BRINP1: variants seen among roughly 807,000 people sequenced by gnomAD.
The protein encoded by BRINP1 is BMP/retinoic acid inducible neural specific 1, also known as BMP/retinoic acid-inducible neural-specific protein 1.
Under a neutral mutation model 72.9 loss-of-function variants are expected in BRINP1, and 17 were observed. The ratio of observed to expected loss-of-function variants is 0.23; its 90% confidence interval spans 0.16 to 0.35. The LOEUF is 0.35. Among genes scored for constraint, BRINP1 ranks in the 10% least tolerant of loss-of-function variants. The pLI is 1.00. For missense variants in BRINP1, 850 were observed against 1,001.6 expected, an observed-to-expected ratio of 0.85 and a Z score of 2.04; for synonymous variants, 418 against 378.5, an observed-to-expected ratio of 1.10 and a Z score of -1.21.
intron 7 of BRINP1, among the ~76,000 whole-genome samples, chr9:119,197,495 T>A (rs1829751592): frequency 6.6e-6 from 1 of 152,200 alleles, no homozygotes; most frequent in Non-Finnish European, 1.5e-5. Context: ...ATTATCATCA[T>A]TTTTTTCTTA....
chr9:119,187,116 G>A (rs115211734), intron 7 of BRINP1, among the ~76,000 whole-genome samples: 14 of 151,820 alleles, frequency 9.2e-5, no homozygotes, highest in Admixed American at 1.3e-4. Flanking sequence ...CCTTGGAATC[G>A]TAATCCTCTG....
chr9:119,174,738 C>T (rs1031369504), intron 7 of BRINP1, among the ~76,000 whole-genome samples: 1 of 151,642 alleles, frequency 6.6e-6, no homozygotes, highest in Non-Finnish European at 1.5e-5. Flanking sequence ...CAATGATAGA[C>T]TGGATTAAGA....
intron 1 of BRINP1, among the ~76,000 whole-genome samples, chr9:119,367,849 G>GCT (rs895007533): frequency 1.1e-4 from 16 of 151,574 alleles, no homozygotes; most frequent in Non-Finnish European, 2.2e-4. Flanking sequence ...TCTCGCTCTT[G>GCT]CTCTCTCTCT....
At chr9:119,333,444 C>A (rs1269675144) in intron 1 of BRINP1, among the ~76,000 whole-genome samples, 13 of 117,968 alleles carry the variant, frequency 1.1e-4, no homozygotes, top group Non-Finnish European at 2.0e-4. Context: ...ACCTGGGTGA[C>A]AGAGTGAGAC....
At chr9:119,327,376 C>T (rs1325821467) in intron 1 of BRINP1, among the ~76,000 whole-genome samples, 1 of 152,144 alleles carries the variant, frequency 6.6e-6, no homozygotes, top group Non-Finnish European at 1.5e-5. Flanking sequence ...TGTTTCCCCT[C>T]CTATGTATGT....
intron 7 of BRINP1, among the ~76,000 whole-genome samples, chr9:119,175,113 AAAG>A (rs1433750095): frequency 0.037 from 5,278 of 141,482 alleles, 233 homozygotes; most frequent in African/African-American, 0.11. Context: ...AACTTAAAGT[AAAG>A]TATAAAAAAA....
intron 1 of BRINP1, among the ~76,000 whole-genome samples, chr9:119,357,660 C>T (rs7048008): frequency 1 from 152,349 of 152,356 alleles, 76,171 homozygotes; most frequent in Non-Finnish European, 1. Context: ...GAAAGCAAAA[C>T]GCAGATTGTT....
rs888164565 is a variant in BRINP1 at position 119,359,376 on chromosome 9, T to C, written c.-51+9680A>G. 2.6e-5 allele frequency among the ~76,000 whole-genome samples: 4 copies of C among 152,250 alleles called. No individual in the cohort carries two copies. The East Asian group carries it at 7.7e-4, about 29-fold the overall frequency. The stretch of plus-strand genomic sequence containing the variant: ...ACATCTGGCTAATTATTTTTTAAAT[T>C]TTTTGTAGAGACAGGATCTTGCTAA... On this transcript the variant is annotated intron_variant, in intron 1 of 7. Coordinates refer to ENST00000265922, the MANE Select transcript of BRINP1 (RefSeq NM_014618.3).
At chr9:119,263,646 C>T (rs763770658) in intron 2 of BRINP1, among the ~76,000 whole-genome samples, 2 of 100,714 alleles carry the variant, frequency 2.0e-5, no homozygotes, top group Non-Finnish European at 3.6e-5. Context: ...CTCGCTTTGT[C>T]GCCCAGGCTG....
chr9:119,210,727 G>A (rs1455431499), intron 6 of BRINP1, among the ~76,000 whole-genome samples: 1 of 152,208 alleles, frequency 6.6e-6, no homozygotes, highest in East Asian at 1.9e-4. Flanking sequence ...ATTATAGACA[G>A]TTAGACAGGC....
At chr9:119,204,215 C>A (rs1829830127) in intron 7 of BRINP1, among the ~76,000 whole-genome samples, 1 of 152,070 alleles carries the variant, frequency 6.6e-6, no homozygotes, top group African/African-American at 2.4e-5. Context: ...GACAAGAGCC[C>A]CAGCCAACTA....
chr9:119,170,923 G>GC (rs1328712488), intron 7 of BRINP1, among the ~76,000 whole-genome samples: 3 of 143,858 alleles, frequency 2.1e-5, no homozygotes, highest in Non-Finnish European at 4.5e-5. Flanking sequence ...TTACAGACAA[G>GC]CAAATGCTGA....
At chr9:119,193,570 G>A (rs556377609) in intron 7 of BRINP1, among the ~76,000 whole-genome samples, 11 of 152,300 alleles carry the variant, frequency 7.2e-5, no homozygotes, top group Admixed American at 6.5e-4. Flanking sequence ...TAACAGGAAA[G>A]TAACTAGGTG....
intron 7 of BRINP1, among the ~76,000 whole-genome samples, chr9:119,169,272 G>A (rs1009880522): frequency 1.3e-5 from 2 of 152,222 alleles, no homozygotes; most frequent in Non-Finnish European, 2.9e-5. Context: ...TTGGGTGCAC[G>A]CACCGTGCGC....
At chr9:119,242,635 C>T (rs1830265320) in intron 3 of BRINP1, among the ~76,000 whole-genome samples, 1 of 152,096 alleles carries the variant, frequency 6.6e-6, no homozygotes, top group East Asian at 1.9e-4. Flanking sequence ...TCTACTCTCC[C>T]ATCTCCCCTT....
chr9:119,174,918 G>A (rs1166584428), intron 7 of BRINP1, among the ~76,000 whole-genome samples: 1 of 148,474 alleles, frequency 6.7e-6, no homozygotes, highest in East Asian at 2.0e-4. Context: ...ATTGAACAAT[G>A]AGATCACATG....
At chr9:119,256,259 T>C (rs183166610) in intron 2 of BRINP1, among the ~76,000 whole-genome samples, 1 of 152,314 alleles carries the variant, frequency 6.6e-6, no homozygotes, top group East Asian at 1.9e-4. Context: ...ATTATCAATA[T>C]CATCATTGTT....
At chr9:119,255,232 A>C (rs999849042) in intron 2 of BRINP1, among the ~76,000 whole-genome samples, 5 of 152,252 alleles carry the variant, frequency 3.3e-5, no homozygotes, top group African/African-American at 9.6e-5. Context: ...AGTGCACAGA[A>C]CAAGCAAATT....
At chr9:119,334,356 G>A (rs1198072533) in intron 1 of BRINP1, among the ~76,000 whole-genome samples, 2 of 152,128 alleles carry the variant, frequency 1.3e-5, no homozygotes, top group East Asian at 1.9e-4. Flanking sequence ...TTGGCACAAC[G>A]GGGAAACTGA....
Sources: allele counts gnomAD v4.1 joint callset (sites outside exome capture counted in the v4.1 genomes callset), GRCh38; gene constraint gnomAD v4.1.1; transcripts MANE v1.5; gene names NCBI Gene and HGNC (gene_info 2026-07-23, HGNC 2026-07-21).